The following UST variants were observed in gnomAD, a reference collection of about 807,000 sequenced individuals.
UST encodes chondroitin sulfate 2-O-sulfotransferase.
UST carries 21 observed loss-of-function variants against 45.6 expected under a neutral mutation model. The ratio of observed to expected loss-of-function variants is 0.46; its 90% CI spans 0.33 to 0.66. The LOEUF (loss-of-function observed/expected upper bound fraction) is 0.66, where lower values mean the gene tolerates loss of function less well. UST is among the 30% of genes least tolerant of loss of function. The probability of loss-of-function intolerance (pLI) is 0.02; values close to 1 mark genes in which losing one functional copy is unlikely to be tolerated. For synonymous variants in UST, 215 were observed against 200.6 expected (o/e 1.07, Z -0.61); for missense variants, 463 against 512.4 (o/e 0.90, Z 0.93).
intron 7 of UST, among the ~76,000 whole-genome samples, chr6:149,038,444 T>A (rs1392026782): frequency 6.6e-6 from 1 of 151,366 alleles, no homozygotes; most frequent in Non-Finnish European, 1.5e-5. Flanking sequence ...ACTGGAGTGA[T>A]GCTGTCACAA....
intron 1 of UST, among the ~76,000 whole-genome samples, chr6:148,868,722 T>A (rs1248430083): frequency 6.6e-6 from 1 of 152,154 alleles, no homozygotes; most frequent in Non-Finnish European, 1.5e-5. Flanking sequence ...TGCCCAGGTA[T>A]AACCCCCCCA....
At chr6:149,017,799 T>TACACACACACAC (rs10533222) in intron 5 of UST, among the ~76,000 whole-genome samples, 23 of 148,916 alleles carry the variant, frequency 1.5e-4, no homozygotes, top group African/African-American at 3.5e-4. Flanking sequence ...TATCCATATA[T>TACACACACACAC]ACACACACAC....
chr6:148,775,952 A>G (rs1407193177), intron 1 of UST, among the ~76,000 whole-genome samples: 1 of 152,084 alleles, frequency 6.6e-6, no homozygotes, highest in East Asian at 1.9e-4. Flanking sequence ...TGAATTTTAT[A>G]CCTTGTTCTA....
intron 1 of UST, among the ~76,000 whole-genome samples, chr6:148,767,410 T>TA (rs1284287046): frequency 6.6e-6 from 1 of 152,248 alleles, no homozygotes; most frequent in African/African-American, 2.4e-5. Context: ...TTTGTGAACA[T>TA]ACAGATTTTG....
chr6:148,829,388 A>G (rs1777640469), intron 1 of UST, among the ~76,000 whole-genome samples: 1 of 152,182 alleles, frequency 6.6e-6, no homozygotes, highest in Admixed American at 6.5e-5. Context: ...CAACTTCCCT[A>G]TCTGGAAAAT....
At chr6:149,026,823 T>C (rs1385590994) in intron 7 of UST, among the ~76,000 whole-genome samples, 1 of 152,212 alleles carries the variant, frequency 6.6e-6, no homozygotes, top group Non-Finnish European at 1.5e-5. Context: ...TAGTATTCAT[T>C]TTCAACACGT....
Position 149,021,486 on chromosome 6 carries a change from C to G in UST, c.937+5C>G, listed in dbSNP as rs763206204. ...TCAGTATCTACAAAGACCCAGGTAACTTCATTTGTAAGCAAGCTCTTCTCC... is the reference window on the plus strand; with the variant it reads ...TCAGTATCTACAAAGACCCAGGTAAGTTCATTTGTAAGCAAGCTCTTCTCC... On this transcript the variant is annotated splice_donor_5th_base_variant and intron_variant, in intron 7 of 7. Transcript: ENST00000367463. The G allele has an allele frequency of 6.2e-7, 1 of 1,613,956 alleles. No individual in the cohort carries two copies. Among genetic ancestry groups the G allele is most frequent in the Admixed American group, 1.7e-5 (1 of 60,006 alleles).
At chr6:148,917,182 C>A (rs1197818230) in intron 2 of UST, among the ~76,000 whole-genome samples, 7 of 152,218 alleles carry the variant, frequency 4.6e-5, no homozygotes, top group African/African-American at 7.2e-5. Context: ...AGCACCCCCC[C>A]ACCCTCCTTT....
At chr6:148,867,299 C>T (rs1179745164) in intron 1 of UST, among the ~76,000 whole-genome samples, 4 of 134,474 alleles carry the variant, frequency 3.0e-5, no homozygotes, top group African/African-American at 1.2e-4. Context: ...CACACACACA[C>T]ACACACACAC....
chr6:148,858,690 C>T (rs1428013202), intron 1 of UST, among the ~76,000 whole-genome samples: 1 of 152,030 alleles, frequency 6.6e-6, no homozygotes, highest in Non-Finnish European at 1.5e-5. Flanking sequence ...ATGTTCCCCA[C>T]CCTGTGTCCA....
intron 1 of UST, among the ~76,000 whole-genome samples, chr6:148,795,185 G>A (rs193083657): frequency 3.8e-4 from 58 of 152,314 alleles, no homozygotes; most frequent in Middle Eastern, 6.8e-3. Context: ...CAAAGCTGTA[G>A]TAAGAAATAT....
intron 3 of UST, among the ~76,000 whole-genome samples, chr6:148,945,956 A>G (rs1040058923): frequency 5.9e-5 from 9 of 152,270 alleles, no homozygotes; most frequent in East Asian, 5.8e-4. Context: ...GAGTTATATA[A>G]AGGGTGGAGG....
At chr6:149,005,445 C>T (rs1781627534) in intron 5 of UST, 7 of 985,310 alleles carry the variant, frequency 7.1e-6, no homozygotes, top group Non-Finnish European at 8.4e-6. Flanking sequence ...GGCATGCAAC[C>T]TCAGCAGTGT....
chr6:148,992,976 A>T (rs1242312564), intron 5 of UST: 1 of 984,728 alleles, frequency 1.0e-6, no homozygotes, highest in Non-Finnish European at 1.2e-6. Flanking sequence ...ATACATTTCT[A>T]TCCACAGACC....
At chr6:148,909,849 A>G (rs1779440594) in intron 2 of UST, among the ~76,000 whole-genome samples, 1 of 152,236 alleles carries the variant, frequency 6.6e-6, no homozygotes, top group Non-Finnish European at 1.5e-5. Flanking sequence ...TGGTGTGTTC[A>G]AATGACTGCT....
intron 2 of UST, among the ~76,000 whole-genome samples, chr6:148,899,029 T>A (rs1326172576): frequency 6.6e-6 from 1 of 151,120 alleles, no homozygotes; most frequent in Admixed American, 6.6e-5. Context: ...GCCTCAGGGC[T>A]CTGCAAGTTG....
intron 1 of UST, among the ~76,000 whole-genome samples, chr6:148,802,690 A>G (rs1369162379): frequency 6.6e-6 from 1 of 152,148 alleles, no homozygotes; most frequent in Non-Finnish European, 1.5e-5. Context: ...AGGAAATGCT[A>G]ATATATTGTC....
chr6:148,800,525 G>A (rs1034678666), intron 1 of UST, among the ~76,000 whole-genome samples: 1 of 151,912 alleles, frequency 6.6e-6, no homozygotes. Context: ...TGGTATGAGA[G>A]TTTGGGCTAT....
chr6:149,015,005 G>A (rs1775875669), intron 5 of UST, among the ~76,000 whole-genome samples: 1 of 152,142 alleles, frequency 6.6e-6, no homozygotes, highest in Non-Finnish European at 1.5e-5. Flanking sequence ...AGAAGCTGCT[G>A]TCATCATCCT....
Sources: gnomAD v4.1 joint callset for allele counts (sites outside exome capture counted in the v4.1 genomes callset) on GRCh38, gnomAD v4.1.1 for gene constraint, MANE v1.5 for transcripts, NCBI Gene and HGNC (gene_info 2026-07-23, HGNC 2026-07-21) for gene names.